The following MYO16 variants were observed in gnomAD, a reference collection of about 807,000 sequenced individuals.
MYO16 encodes myosin XVI, also known as unconventional myosin-XVI.
A neutral mutation model predicts 205.3 loss-of-function variants in MYO16; 94 were observed. That is an observed-to-expected ratio of 0.46 (90% confidence interval 0.39 to 0.54). The LOEUF is 0.54. Among genes scored for constraint, MYO16 ranks in the 20% least tolerant of loss-of-function variants. The pLI, the probability that MYO16 is intolerant of heterozygous loss-of-function variation, is 0.00. For missense variants in MYO16, 2,315 were observed against 2,387.5 expected (o/e 0.97, Z 0.63); for synonymous variants, 988 against 954.0 (o/e 1.04, Z -0.66).
intron 33 of MYO16, among the ~76,000 whole-genome samples, chr13:109,168,796 G>T (rs572887466): frequency 1.3e-5 from 2 of 152,104 alleles, no homozygotes; most frequent in Non-Finnish European, 2.9e-5. Flanking sequence ...AAATTAAAAA[G>T]CAAAATATTT....
At chr13:108,976,674 A>G (rs1296533624) in intron 20 of MYO16, among the ~76,000 whole-genome samples, 1 of 152,198 alleles carries the variant, frequency 6.6e-6, no homozygotes, top group Non-Finnish European at 1.5e-5. Flanking sequence ...ATTTATGTTT[A>G]TAATTTTCAA....
chr13:109,035,474 A>C (rs1046675072), intron 23 of MYO16, among the ~76,000 whole-genome samples: 4 of 152,170 alleles, frequency 2.6e-5, no homozygotes, highest in Non-Finnish European at 5.9e-5. Flanking sequence ...ACTTGAAGTC[A>C]GGAGTTCAAG....
intron 32 of MYO16, among the ~76,000 whole-genome samples, chr13:109,150,241 T>C (rs1402009471): frequency 6.6e-6 from 1 of 152,198 alleles, no homozygotes. Context: ...AATCCATTCC[T>C]TTCTCAATTA....
chr13:108,739,041 G>A (rs530633857), intron 4 of MYO16, among the ~76,000 whole-genome samples: 1 of 152,302 alleles, frequency 6.6e-6, no homozygotes, highest in Non-Finnish European at 1.5e-5. Context: ...CTCTGCAGGT[G>A]AGATGGGTCT....
At chr13:109,006,722 C>A (rs543507810) in intron 21 of MYO16, among the ~76,000 whole-genome samples, 1 of 152,170 alleles carries the variant, frequency 6.6e-6, no homozygotes, top group African/African-American at 2.4e-5. Flanking sequence ...AGTTACTGAG[C>A]AGTAAATATT....
chr13:108,997,826 G>A (rs1406468388), intron 21 of MYO16, among the ~76,000 whole-genome samples: 1 of 152,124 alleles, frequency 6.6e-6, no homozygotes, highest in African/African-American at 2.4e-5. Context: ...CAACAAGAGT[G>A]AAAGTCCATC....
intron 23 of MYO16, among the ~76,000 whole-genome samples, chr13:109,022,828 A>G (rs1319900343): frequency 7.4e-6 from 1 of 135,126 alleles, no homozygotes; most frequent in African/African-American, 2.8e-5. Flanking sequence ...TACTCAATAT[A>G]TAAACATAGT....
intron 1 of MYO16, among the ~76,000 whole-genome samples, chr13:108,641,319 G>T (rs796643645): frequency 2.0e-5 from 3 of 152,248 alleles, no homozygotes; most frequent in African/African-American, 7.2e-5. Flanking sequence ...TAGCTTCAGG[G>T]TCTTCTGAAT....
chr13:108,614,699 A>C (rs1362525505), intron 1 of MYO16, among the ~76,000 whole-genome samples: 1 of 152,102 alleles, frequency 6.6e-6, no homozygotes, highest in East Asian at 1.9e-4. Context: ...TTTTGACAAC[A>C]GTGCCAAGAC....
In MYO16 at chr13:109,055,662, C is replaced by G. The variant is rs573977556; in HGVS notation, c.3335+67C>G. 44 of 1,372,502 alleles carry G rather than the reference C, an allele frequency of 3.2e-5. No homozygotes were observed. Among genetic ancestry groups the G allele is most frequent in the Non-Finnish European group, 4.0e-5 (39 of 976,444 alleles). The allele number at this position is 1,372,502 out of a possible 1,614,324, so 85.0% of individuals were successfully genotyped here. A position where few individuals can be genotyped will look rare whatever the true frequency, so the allele number is the denominator to read the frequency against. Reference sequence around the variant, plus strand: ...TCAGTGCAGTGTACTGACACTGACACTATTGTAGCAAGGGTCTTCTGTTGT... The same window carrying G: ...TCAGTGCAGTGTACTGACACTGACAGTATTGTAGCAAGGGTCTTCTGTTGT... On this transcript the variant is annotated intron_variant, in intron 27 of 34. Coordinates refer to ENST00000457511, the MANE Select transcript of MYO16 (RefSeq NM_001198950.3). The surrounding 1 kb of genome is among the most constrained non-coding windows in gnomAD (Gnocchi z 5.0).
At chr13:108,653,483 A>C (rs1881103507) in intron 1 of MYO16, among the ~76,000 whole-genome samples, 1 of 152,100 alleles carries the variant, frequency 6.6e-6, no homozygotes, top group Admixed American at 6.6e-5. Flanking sequence ...TAAATGTCAT[A>C]AAGATTTTTT....
At chr13:108,692,860 T>G (rs138984370) in intron 2 of MYO16, among the ~76,000 whole-genome samples, 86 of 152,334 alleles carry the variant, frequency 5.6e-4, no homozygotes, top group African/African-American at 1.9e-3. Flanking sequence ...AAAGCTGATG[T>G]CCACACTGTG....
At chr13:108,659,330 A>G (rs755734306) in intron 1 of MYO16, 3 of 380,654 alleles carry the variant, frequency 7.9e-6, no homozygotes, top group South Asian at 6.1e-5. Context: ...ATATATACAC[A>G]CACATACACA....
At chr13:108,607,574 A>G (rs1407627443) in intron 1 of MYO16, among the ~76,000 whole-genome samples, 1 of 151,880 alleles carries the variant, frequency 6.6e-6, no homozygotes, top group South Asian at 2.1e-4. Context: ...GCCATGCACA[A>G]CTCTGTGTCA....
chr13:108,545,178 C>A, the MYO16 span, among the ~76,000 whole-genome samples: 1 of 151,994 alleles, frequency 6.6e-6, no homozygotes, highest in Admixed American at 6.5e-5. Flanking sequence ...CTCAGGGAGG[C>A]CCCGTGTCTG....
chr13:108,753,211 T>G (rs1885298767), intron 4 of MYO16, among the ~76,000 whole-genome samples: 1 of 151,292 alleles, frequency 6.6e-6, no homozygotes, highest in Non-Finnish European at 1.5e-5. Context: ...CTACTAAGAA[T>G]ACAAAAAAAT....
intron 7 of MYO16, among the ~76,000 whole-genome samples, chr13:108,819,158 T>A (rs564619418): frequency 6.6e-6 from 1 of 152,140 alleles, no homozygotes; most frequent in African/African-American, 2.4e-5. Flanking sequence ...GAGATATAAA[T>A]GAGAATACTT....
At chr13:108,617,190 T>C (rs1010425531) in intron 1 of MYO16, among the ~76,000 whole-genome samples, 18 of 152,124 alleles carry the variant, frequency 1.2e-4, no homozygotes, top group Admixed American at 4.6e-4. Context: ...CAGAGAGCCA[T>C]CTGGAGGGCC....
At chr13:109,191,065 A>C (rs1879892756) in intron 34 of MYO16, among the ~76,000 whole-genome samples, 1 of 152,018 alleles carries the variant, frequency 6.6e-6, no homozygotes. Flanking sequence ...CTAAAAATAC[A>C]AAAATTAGCC....
Sources: gnomAD v4.1 joint callset for allele counts (sites outside exome capture counted in the v4.1 genomes callset) on GRCh38, gnomAD v4.1.1 for gene constraint, Gnocchi (gnomAD v3.1) non-coding constraint, MANE v1.5 for transcripts, NCBI Gene and HGNC (gene_info 2026-07-23, HGNC 2026-07-21) for gene names.